MAGI1: variants seen among roughly 807,000 people sequenced by gnomAD.
MAGI1 encodes membrane-associated guanylate kinase, WW and PDZ domain-containing protein 1.
In MAGI1, 58 loss-of-function variants were observed where a neutral mutation model predicts 139.9. The observed-to-expected ratio is 0.41, with a 90% CI of 0.34 to 0.52. The LOEUF is 0.52. MAGI1 is among the 20% of genes least tolerant of loss of function. The pLI is 0.12. For missense variants in MAGI1, 1,874 were observed against 1,901.6 expected, an observed-to-expected ratio of 0.99 and a Z score of 0.27; for synonymous variants, 812 against 737.9, an observed-to-expected ratio of 1.10 and a Z score of -1.63.
intron 2 of MAGI1, among the ~76,000 whole-genome samples, chr3:65,526,599 A>G (rs991748557): frequency 2.6e-5 from 4 of 152,214 alleles, no homozygotes; most frequent in African/African-American, 9.6e-5. Flanking sequence ...CACATTGGAC[A>G]TACCTGCAAT....
intron 2 of MAGI1, among the ~76,000 whole-genome samples, chr3:65,534,732 G>GAGC (rs2078878346): frequency 6.6e-6 from 1 of 152,148 alleles, no homozygotes; most frequent in African/African-American, 2.4e-5. Flanking sequence ...GATGGCAAGA[G>GAGC]AGCACCAAGA....
At chr3:65,407,147 T>A (rs4688562) in intron 12 of MAGI1, among the ~76,000 whole-genome samples, 114,036 of 151,980 alleles carry the variant, frequency 0.75, 45,865 homozygotes, top group Non-Finnish European at 0.92. Context: ...TATTTTAAGA[T>A]GATAAAAAAT....
chr3:65,661,459 C>T (rs2086182625), intron 1 of MAGI1, among the ~76,000 whole-genome samples: 1 of 152,128 alleles, frequency 6.6e-6, no homozygotes, highest in Non-Finnish European at 1.5e-5. Flanking sequence ...AAATAAACCA[C>T]AGCAACATAT....
chr3:66,017,500 G>C (rs12634564), intron 1 of MAGI1, among the ~76,000 whole-genome samples: 14,978 of 152,278 alleles, frequency 0.098, 943 homozygotes, highest in Middle Eastern at 0.17. Flanking sequence ...CCTGTCACCA[G>C]GCAACAATGC....
intron 13 of MAGI1, among the ~76,000 whole-genome samples, chr3:65,398,329 C>T (rs1488451842): frequency 6.6e-6 from 1 of 151,900 alleles, no homozygotes; most frequent in African/African-American, 2.4e-5. Flanking sequence ...GTGAGACTCC[C>T]GCCTCTACAA....
At chr3:65,913,779 C>T (rs373144402) in intron 1 of MAGI1, among the ~76,000 whole-genome samples, 1 of 152,158 alleles carries the variant, frequency 6.6e-6, no homozygotes, top group Non-Finnish European at 1.5e-5. Flanking sequence ...AGAGGAAATA[C>T]AGGGAGGAGA....
intron 2 of MAGI1, among the ~76,000 whole-genome samples, chr3:65,509,994 C>T (rs1253637156): frequency 6.6e-6 from 1 of 150,948 alleles, no homozygotes; most frequent in Non-Finnish European, 1.5e-5. Context: ...GGGTCCCTGA[C>T]CCCTGACCCC....
At chr3:65,985,982 C>T (rs1453390164) in intron 1 of MAGI1, among the ~76,000 whole-genome samples, 2 of 152,212 alleles carry the variant, frequency 1.3e-5, no homozygotes, top group Admixed American at 6.5e-5. Flanking sequence ...TTTGTAAAGA[C>T]GTCTTCCCTA....
chr3:65,594,518 A>G (rs1259863445), intron 2 of MAGI1, among the ~76,000 whole-genome samples: 1 of 152,236 alleles, frequency 6.6e-6, no homozygotes, highest in Non-Finnish European at 1.5e-5. Context: ...CACAGAGATC[A>G]GCAGAGTTAC....
At chr3:65,368,089 C>T (rs528660592) in intron 18 of MAGI1, among the ~76,000 whole-genome samples, 7 of 152,074 alleles carry the variant, frequency 4.6e-5, no homozygotes, top group Admixed American at 6.5e-5. Flanking sequence ...TGCTCTCTAG[C>T]GCTTTAAAAT....
At chr3:65,395,549 C>A (rs941589497) in intron 13 of MAGI1, among the ~76,000 whole-genome samples, 1 of 144,268 alleles carries the variant, frequency 6.9e-6, no homozygotes, top group Non-Finnish European at 1.5e-5. Context: ...GGCTGATGCA[C>A]GAGAATCGCT....
chr3:65,779,351 T>G (rs1049919770), intron 1 of MAGI1, among the ~76,000 whole-genome samples: 1 of 152,186 alleles, frequency 6.6e-6, no homozygotes, highest in African/African-American at 2.4e-5. Context: ...CAAATTTGCT[T>G]CTGGAAGGGC....
intron 10 of MAGI1, among the ~76,000 whole-genome samples, chr3:65,435,189 G>A (rs1400060258): frequency 4.6e-5 from 7 of 151,892 alleles, no homozygotes; most frequent in African/African-American, 1.7e-4. Context: ...CCTGAATGAA[G>A]AACCAGTGGA....
intron 1 of MAGI1, among the ~76,000 whole-genome samples, chr3:65,749,939 CA>C (rs2036009788): frequency 6.6e-6 from 1 of 152,038 alleles, no homozygotes; most frequent in Non-Finnish European, 1.5e-5. Context: ...CTCCATAATG[CA>C]GGGGGAAGCA....
chr3:65,683,609 C>T (rs2087748924), intron 1 of MAGI1, among the ~76,000 whole-genome samples: 1 of 149,718 alleles, frequency 6.7e-6, no homozygotes, highest in South Asian at 2.1e-4. Flanking sequence ...CACAGATAAT[C>T]CAATTAGAAA....
intron 13 of MAGI1, among the ~76,000 whole-genome samples, chr3:65,395,636 C>CAAAAAAAAAA (rs58806140): frequency 0.011 from 210 of 19,160 alleles, 34 homozygotes; most frequent in African/African-American, 0.017. Context: ...GACTCCATCT[C>CAAAAAAAAAA]AAAAAAAAAA....
intron 1 of MAGI1, among the ~76,000 whole-genome samples, chr3:65,793,820 C>T (rs1559888550): frequency 1.3e-5 from 2 of 152,222 alleles, no homozygotes; most frequent in Admixed American, 1.3e-4. Context: ...ATATATTGCA[C>T]AGCTATATCT....
At chr3:65,826,758 T>A (rs1188240453) in intron 1 of MAGI1, among the ~76,000 whole-genome samples, 1 of 144,646 alleles carries the variant, frequency 6.9e-6, no homozygotes, top group African/African-American at 2.9e-5. Flanking sequence ...AGATCCTCCA[T>A]AAACCCTTTG....
chr3:65,392,771 T>C (rs1575593474), intron 13 of MAGI1, among the ~76,000 whole-genome samples: 1 of 152,310 alleles, frequency 6.6e-6, no homozygotes, highest in East Asian at 1.9e-4. Flanking sequence ...GGACAAAAAC[T>C]TCATCTGCTC....
Sources: gnomAD v4.1 joint callset for allele counts (sites outside exome capture counted in the v4.1 genomes callset) on GRCh38, gnomAD v4.1.1 for gene constraint, MANE v1.5 for transcripts, NCBI Gene and HGNC (gene_info 2026-07-23, HGNC 2026-07-21) for gene names.